KHDRBS2: variants seen among roughly 807,000 people sequenced by gnomAD.
KHDRBS2 encodes KH domain-containing, RNA-binding, signal transduction-associated protein 2.
KHDRBS2 carries 26 observed loss-of-function variants against 44.3 expected under a neutral mutation model. The observed-to-expected ratio is 0.59, with a 90% confidence interval of 0.43 to 0.81. The LOEUF (loss-of-function observed/expected upper bound fraction) is 0.81, where lower values mean the gene tolerates loss of function less well. KHDRBS2 is among the 40% of genes least tolerant of loss of function. The pLI, the probability that KHDRBS2 is intolerant of heterozygous loss-of-function variation, is 0.00. For missense variants in KHDRBS2, 476 were observed against 433.1 expected (o/e 1.10, Z -0.88); for synonymous variants, 194 against 151.1 (o/e 1.28, Z -2.08).
intron 2 of KHDRBS2, among the ~76,000 whole-genome samples, chr6:62,077,724 G>A (rs1274298710): frequency 2.0e-5 from 3 of 151,940 alleles, no homozygotes; most frequent in Non-Finnish European, 4.4e-5. Context: ...TTATACCTTC[G>A]GTTATGCTCA....
the KHDRBS2 span, among the ~76,000 whole-genome samples, chr6:61,585,128 C>T: frequency 6.6e-6 from 1 of 151,846 alleles, no homozygotes; most frequent in South Asian, 2.1e-4. Context: ...TGTTATTTTA[C>T]ACATAACTAA....
At chr6:61,962,819 G>C (rs1769045460) in intron 4 of KHDRBS2, among the ~76,000 whole-genome samples, 1 of 152,068 alleles carries the variant, frequency 6.6e-6, no homozygotes, top group African/African-American at 2.4e-5. Context: ...ATCAGATTTA[G>C]AACCTTTGTT....
chr6:61,571,714 C>T, the KHDRBS2 span, among the ~76,000 whole-genome samples: 1 of 151,982 alleles, frequency 6.6e-6, no homozygotes, highest in African/African-American at 2.4e-5. Flanking sequence ...ATCAAGTATC[C>T]TCTCAGACCA....
At chr6:61,935,974 G>C (rs1221313622) in intron 4 of KHDRBS2, among the ~76,000 whole-genome samples, 1 of 151,936 alleles carries the variant, frequency 6.6e-6, no homozygotes, top group Non-Finnish European at 1.5e-5. Context: ...TTTTCCAGAT[G>C]TAAATTGAAT....
At chr6:62,145,379 G>A (rs189919951) in intron 2 of KHDRBS2, among the ~76,000 whole-genome samples, 18 of 150,634 alleles carry the variant, frequency 1.2e-4, no homozygotes, top group Admixed American at 2.0e-4. Flanking sequence ...AGCTTACATC[G>A]CTTTTTCACT....
intron 1 of KHDRBS2, among the ~76,000 whole-genome samples, chr6:62,205,699 G>A (rs1253003033): frequency 6.6e-6 from 1 of 152,050 alleles, no homozygotes. Context: ...ACAGGATGAA[G>A]ACAGGTTTCC....
At chr6:62,051,399 C>A (rs1241274058) in intron 2 of KHDRBS2, among the ~76,000 whole-genome samples, 1 of 151,828 alleles carries the variant, frequency 6.6e-6, no homozygotes, top group African/African-American at 2.4e-5. Flanking sequence ...AATAAAGGTC[C>A]AATTTCATTC....
the KHDRBS2 span, among the ~76,000 whole-genome samples, chr6:61,563,545 T>C: frequency 6.6e-6 from 1 of 152,068 alleles, no homozygotes; most frequent in Non-Finnish European, 1.5e-5. Context: ...GTAATATTGA[T>C]AGGAACAATT....
At chr6:61,895,133 A>T (rs564837708) in intron 5 of KHDRBS2, among the ~76,000 whole-genome samples, 2 of 151,698 alleles carry the variant, frequency 1.3e-5, no homozygotes, top group African/African-American at 4.8e-5. Context: ...AAAAAAAAAA[A>T]AAACCCAAAC....
At chr6:61,558,696 T>C in the KHDRBS2 span, among the ~76,000 whole-genome samples, 1 of 152,212 alleles carries the variant, frequency 6.6e-6, no homozygotes, top group Non-Finnish European at 1.5e-5. Context: ...CAGGAGTATA[T>C]TTTTAATTTC....
chr6:61,974,933 AAAATAAATAAAT>A (rs139333730), intron 4 of KHDRBS2, among the ~76,000 whole-genome samples: 2,742 of 138,710 alleles, frequency 0.02, 76 homozygotes, highest in African/African-American at 0.058. Context: ...TCCATCTTAA[AAAATAAATAAAT>A]AAATAAATAA....
chr6:62,084,135 T>A (rs1288673274), intron 2 of KHDRBS2, among the ~76,000 whole-genome samples: 1 of 152,148 alleles, frequency 6.6e-6, no homozygotes, highest in East Asian at 1.9e-4. Flanking sequence ...TATTGAATAA[T>A]GGAGATTGCA....
At chr6:61,848,952 A>G (rs1322667958) in intron 6 of KHDRBS2, among the ~76,000 whole-genome samples, 1 of 151,970 alleles carries the variant, frequency 6.6e-6, no homozygotes, top group African/African-American at 2.4e-5. Flanking sequence ...AAATTATCCA[A>G]ATCTTTGAAA....
At chr6:61,668,687 C>G in the KHDRBS2 span, among the ~76,000 whole-genome samples, 8 of 151,146 alleles carry the variant, frequency 5.3e-5, no homozygotes, top group African/African-American at 1.9e-4. Flanking sequence ...ACATTACTAT[C>G]TGTTTAATCC....
chr6:61,893,066 AC>A (rs1267361337), intron 6 of KHDRBS2, among the ~76,000 whole-genome samples: 4 of 152,272 alleles, frequency 2.6e-5, no homozygotes, highest in Admixed American at 2.6e-4. Flanking sequence ...GAAAAAAACA[AC>A]CCCATCAACA....
chr6:61,681,389 A>G (rs1219118681), intron 8 of KHDRBS2, among the ~76,000 whole-genome samples: 1 of 151,934 alleles, frequency 6.6e-6, no homozygotes, highest in Non-Finnish European at 1.5e-5. Context: ...GCCCTTGAAT[A>G]ACTTGAGAAT....
chr6:62,181,006 G>T (rs1822160174), intron 1 of KHDRBS2, among the ~76,000 whole-genome samples: 2 of 140,304 alleles, frequency 1.4e-5, no homozygotes, highest in Non-Finnish European at 3.1e-5. Context: ...AATAAAATTG[G>T]ACTCTTCTCT....
At chr6:62,133,867 G>A (rs1250889761) in intron 2 of KHDRBS2, among the ~76,000 whole-genome samples, 1 of 152,146 alleles carries the variant, frequency 6.6e-6, no homozygotes, top group Non-Finnish European at 1.5e-5. Flanking sequence ...GAACTTGAGG[G>A]AGATGATTTA....
chr6:61,878,683 T>C (rs1177611809), intron 6 of KHDRBS2, among the ~76,000 whole-genome samples: 1 of 152,056 alleles, frequency 6.6e-6, no homozygotes, highest in Non-Finnish European at 1.5e-5. Flanking sequence ...AGTCTATATG[T>C]ATACAGCACT....
Sources: allele counts gnomAD v4.1 joint callset (sites outside exome capture counted in the v4.1 genomes callset), GRCh38; gene constraint gnomAD v4.1.1; transcripts MANE v1.5; gene names NCBI Gene and HGNC (gene_info 2026-07-23, HGNC 2026-07-21).